POLR3B: variants seen among roughly 807,000 people sequenced by gnomAD.
POLR3B encodes DNA-directed RNA polymerase III subunit RPC2.
Under a neutral mutation model 147.4 loss-of-function variants are expected in POLR3B, and 96 were observed. The ratio of observed to expected loss-of-function variants is 0.65; its 90% confidence interval spans 0.55 to 0.77. The LOEUF (loss-of-function observed/expected upper bound fraction) is 0.77. POLR3B is among the 30% of genes least tolerant of loss of function. The probability of loss-of-function intolerance (pLI) is 0.00; values close to 1 mark genes in which losing one functional copy is unlikely to be tolerated. For missense variants in POLR3B, 1,036 were observed against 1,413.5 expected (o/e 0.73, Z 4.28); for synonymous variants, 461 against 485.9 (o/e 0.95, Z 0.67).
chr12:106,406,544 T>C lies in POLR3B; in HGVS notation c.966+568T>C, dbSNP rs564116103. 3.0e-3 allele frequency among the ~76,000 whole-genome samples: 454 copies of C among 152,332 alleles called. 1 individual carries two copies. The highest frequency in any genetic ancestry group is 9.4e-3 in the African/African-American group (390 of 41,586). On this transcript the variant is annotated intron_variant, in intron 11 of 27. Transcript: ENST00000228347. ...TAAAAATGTTTACTGGATGAGTTCA[T>C]CTTCTAGACCTTGAATTTAAAGTTC...
chr12:106,382,450 C>G (rs1402834627), intron 9 of POLR3B, among the ~76,000 whole-genome samples: 1 of 152,072 alleles, frequency 6.6e-6, no homozygotes. Flanking sequence ...TTATTTTGTC[C>G]AGATCCATCA....
At position 106,393,799 on chromosome 12, in the gene POLR3B, CA is replaced by C. The variant is rs1458658723; in HGVS notation, c.846+647del. On this transcript the variant is annotated intron_variant, in intron 10 of 27. Coordinates refer to ENST00000228347, the MANE Select transcript of POLR3B (RefSeq NM_018082.6). Reference sequence around the variant, plus strand: ...ACACACACACACACACACACACACACACACACCCCATAGTAAAAATAATTGC... The same window carrying C: ...ACACACACACACACACACACACACACCACACCCCATAGTAAAAATAATTGC... Among the ~76,000 whole-genome samples the C allele has an allele frequency of 3.1e-3, 470 of 151,794 alleles. 2 individuals are homozygous for C. The highest frequency in any genetic ancestry group is 9.2e-3 in the African/African-American group (379 of 41,396).
At chr12:106,367,637 C>T (rs1318431286) in intron 4 of POLR3B, among the ~76,000 whole-genome samples, 1 of 152,126 alleles carries the variant, frequency 6.6e-6, no homozygotes, top group Non-Finnish European at 1.5e-5. Flanking sequence ...ACCACAGAAG[C>T]AATGTTTTAT....
intron 14 of POLR3B, among the ~76,000 whole-genome samples, chr12:106,430,887 A>C (rs2037501536): frequency 6.6e-6 from 1 of 152,114 alleles, no homozygotes; most frequent in East Asian, 1.9e-4. Context: ...ACAGTCCATG[A>C]CCTAATGTGG....
intron 9 of POLR3B, among the ~76,000 whole-genome samples, chr12:106,386,901 T>C (rs982916235): frequency 7.3e-5 from 10 of 136,452 alleles, no homozygotes; most frequent in Admixed American, 2.1e-4. Context: ...AGCAAGACTC[T>C]GTCTCAAAAA....
At chr12:106,444,420 G>A (rs374515708) in intron 18 of POLR3B, 43 bp from the exon 19 acceptor site, 3 of 1,606,384 alleles carry the variant, frequency 1.9e-6, no homozygotes, top group Non-Finnish European at 2.6e-6. Flanking sequence ...ATTTATTTTT[G>A]TACTTGATGC....
rs1195017160 is a variant in POLR3B at position 106,486,287 on chromosome 12, C to CAA, written c.2714-9741_2714-9740dup. Among the ~76,000 whole-genome samples the CAA allele has an allele frequency of 3.5e-3, 98 of 28,244 alleles. 2 individuals are homozygous for CAA. The highest frequency in any genetic ancestry group is 5.1e-3 in the Non-Finnish European group (45 of 8,784). The allele number at this position is 28,244 out of a possible 152,430, so 18.5% of individuals were successfully genotyped here. Reference sequence around the variant, plus strand: ...CTGGGGTCAGAGGGAGACTCCGTCTCAAAAAAAAAAAAAAAAAAAAAAAAA... The same window carrying CAA: ...CTGGGGTCAGAGGGAGACTCCGTCTCAAAAAAAAAAAAAAAAAAAAAAAAAAA... On this transcript the variant is annotated intron_variant, in intron 23 of 27. Transcript: ENST00000228347.
At chr12:106,495,878 T>C in intron 23 of POLR3B, 177 bp from the exon 24 acceptor site, 1 of 708,006 alleles carries the variant, frequency 1.4e-6, no homozygotes, top group South Asian at 1.5e-5. Context: ...AGAGTCGTTT[T>C]TGAACTGTTT....
intron 1 of POLR3B, among the ~76,000 whole-genome samples, chr12:106,360,091 C>A (rs559395677): frequency 6.6e-6 from 1 of 152,218 alleles, no homozygotes. Flanking sequence ...TCTGAAACTT[C>A]ATTCCCACCG....
Position 106,504,471 on chromosome 12 carries a change from C to G in POLR3B, c.3272+217C>G, listed in dbSNP as rs561876567. The stretch of plus-strand genomic sequence containing the variant: ...ACTTCCTACACAACTAGAGGCTAAG[C>G]TCCCAAGGAGTACAAACTTTACCTC... On this transcript the variant is annotated intron_variant, in intron 27 of 27. Coordinates refer to ENST00000228347, the MANE Select transcript of POLR3B (RefSeq NM_018082.6). This position sits in a 1 kb window ranked among gnomAD's most constrained non-coding sequence, Gnocchi z 4.6. Among the ~76,000 whole-genome samples the G allele has an allele frequency of 1.6e-4, 25 of 152,324 alleles. No homozygotes were observed. The highest frequency in any genetic ancestry group is 5.8e-4 in the African/African-American group (24 of 41,572).
chr12:106,412,340 G>A (rs980436199), intron 12 of POLR3B, among the ~76,000 whole-genome samples: 1 of 152,146 alleles, frequency 6.6e-6, no homozygotes, highest in Non-Finnish European at 1.5e-5. Flanking sequence ...TGGGGATTTA[G>A]ATAGAGTTTA....
At chr12:106,462,546 TTTTC>T (rs2037953265) in intron 22 of POLR3B, among the ~76,000 whole-genome samples, 1 of 152,092 alleles carries the variant, frequency 6.6e-6, no homozygotes. Flanking sequence ...GGCTGGGTGA[TTTTC>T]TAAACTACTC....
chr12:106,459,519 G>T, intron 22 of POLR3B, 151 bp downstream of exon 22: 1 of 679,254 alleles, frequency 1.5e-6, no homozygotes. Context: ...TGGCATAGAA[G>T]ATAAAGCTAG....
At chr12:106,468,040 T>C (rs1430133830) in intron 23 of POLR3B, among the ~76,000 whole-genome samples, 4 of 152,222 alleles carry the variant, frequency 2.6e-5, no homozygotes, top group African/African-American at 9.6e-5. Context: ...TCAGCTCCTC[T>C]TTGTACCTCT....
rs932033876 is a variant in POLR3B at position 106,501,512 on chromosome 12, G to A, written c.3098+76G>A. On this transcript the variant is annotated intron_variant, in intron 26 of 27. Coordinates refer to ENST00000228347, the MANE Select transcript of POLR3B (RefSeq NM_018082.6). ...TTGTATTTTCCAGATATGGCAAAAA[G>A]CAGACTCAACAAAGTTTCTGTTTTC... 1.1e-5 allele frequency: 10 copies of A among 915,490 alleles called. No individual in the cohort carries two copies. The African/African-American group carries it at 1.6e-4, about 15-fold the overall frequency. The allele number at this position is 915,490 out of a possible 1,614,324, so 56.7% of individuals were successfully genotyped here. A position where few individuals can be genotyped will look rare whatever the true frequency, so the allele number is the denominator to read the frequency against.
At chr12:106,448,350 A>G (rs2037750286) in intron 19 of POLR3B, among the ~76,000 whole-genome samples, 1 of 144,180 alleles carries the variant, frequency 6.9e-6, no homozygotes, top group African/African-American at 2.6e-5. Flanking sequence ...TATTTTTATT[A>G]TTACTAATAT....
intron 9 of POLR3B, among the ~76,000 whole-genome samples, chr12:106,382,268 C>G (rs1174420836): frequency 6.6e-6 from 1 of 152,176 alleles, no homozygotes; most frequent in Non-Finnish European, 1.5e-5. Context: ...ATAAGACAAC[C>G]CTAGTCCTAA....
chr12:106,435,057 A>G (rs997064548), intron 16 of POLR3B, among the ~76,000 whole-genome samples: 6 of 152,186 alleles, frequency 3.9e-5, no homozygotes, highest in Non-Finnish European at 7.4e-5. Context: ...GGATTCTTGG[A>G]ACTGCTCTCG....
intron 18 of POLR3B, among the ~76,000 whole-genome samples, chr12:106,439,664 A>G (rs1021550130): frequency 6.6e-6 from 1 of 152,078 alleles, no homozygotes; most frequent in Non-Finnish European, 1.5e-5. Flanking sequence ...TTGCAAATAT[A>G]TATATTTTTT....
Sources: gnomAD v4.1 joint callset for allele counts (sites outside exome capture counted in the v4.1 genomes callset) on GRCh38, gnomAD v4.1.1 for gene constraint, Gnocchi (gnomAD v3.1) non-coding constraint, MANE v1.5 for transcripts, NCBI Gene and HGNC (gene_info 2026-07-23, HGNC 2026-07-21) for gene names.